PRKD1: variants seen among roughly 807,000 people sequenced by gnomAD.
PRKD1 encodes the protein protein kinase D1.
Under a neutral mutation model 95.9 loss-of-function variants are expected in PRKD1, and 63 were observed. The observed-to-expected ratio is 0.66, with a 90% CI of 0.54 to 0.81. PRKD1 has a LOEUF of 0.81. PRKD1 is among the 30% of genes least tolerant of loss of function. PRKD1 has a pLI of 0.00. For synonymous variants in PRKD1, 425 were observed against 423.1 expected (o/e 1.00, Z -0.05); for missense variants, 1,048 against 1,165.3 (o/e 0.90, Z 1.47).
intron 1 of PRKD1, among the ~76,000 whole-genome samples, chr14:29,732,822 C>G (rs1886506011): frequency 6.7e-6 from 1 of 148,782 alleles, no homozygotes; most frequent in Admixed American, 6.6e-5. Flanking sequence ...ATCTGTTCCC[C>G]TGTATGCAAT....
chr14:29,806,416 C>T (rs1890235832), intron 1 of PRKD1, among the ~76,000 whole-genome samples: 1 of 151,826 alleles, frequency 6.6e-6, no homozygotes, highest in African/African-American at 2.4e-5. Context: ...TCCTAGATTT[C>T]AATGAACCCT....
Position 29,839,315 on chromosome 14 carries a change from T to C in PRKD1, c.264+87934A>G, listed in dbSNP as rs572464195. Among the ~76,000 whole-genome samples the C allele has an allele frequency of 1.4e-4, 21 of 152,304 alleles. No homozygotes were observed. The South Asian group carries it at 3.7e-3, about 27-fold the overall frequency. ...AAATTTTAAACAACTGTGATCATGA[T>C]CCTGAAGCATTTCTTCAAAGAATTG... is the stretch of plus-strand genomic sequence containing the variant. On this transcript the variant is annotated intron_variant, in intron 1 of 17. Transcript: ENST00000331968.
chr14:29,889,859 A>T (rs1021394395), intron 1 of PRKD1, among the ~76,000 whole-genome samples: 2 of 152,260 alleles, frequency 1.3e-5, no homozygotes, highest in African/African-American at 4.8e-5. Context: ...CACGTTGTGC[A>T]TGTGTACCCT....
chr14:29,916,605 A>G (rs10141107), intron 1 of PRKD1, among the ~76,000 whole-genome samples: 1,905 of 152,258 alleles, frequency 0.013, 45 homozygotes, highest in African/African-American at 0.044. Context: ...TAACAGCACT[A>G]ACCAATCTCT....
At chr14:29,770,247 G>C (rs556874698) in intron 1 of PRKD1, among the ~76,000 whole-genome samples, 4 of 152,192 alleles carry the variant, frequency 2.6e-5, no homozygotes, top group African/African-American at 9.6e-5. Context: ...GACAAATACA[G>C]ATATTGGTAC....
chr14:29,577,424 C>T lies in PRKD1; in HGVS notation c.2553G>A (p.Leu851=), dbSNP rs1298834435. 1.9e-6 allele frequency: 3 copies of T among 1,613,636 alleles called. No individual in the cohort carries two copies. Residue 851 remains leucine (L), a synonymous_variant, in exon 18 of 18, where the codon CTG becomes CTA. Coordinates refer to ENST00000331968, the MANE Select transcript of PRKD1 (RefSeq NM_002742.3). The part of the protein sequence containing the change: ...DYQTWLDLRE[L]ECKIGERYIT... ...TGTAGCGCTCCCCGATTTTGCATTCCAGCTCTCGCAAATCTAACCAGGTCT... is the reference window on the plus strand; with the variant it reads ...TGTAGCGCTCCCCGATTTTGCATTCTAGCTCTCGCAAATCTAACCAGGTCT...
At chr14:29,925,302 A>G (rs567582344) in intron 1 of PRKD1, among the ~76,000 whole-genome samples, 1 of 152,166 alleles carries the variant, frequency 6.6e-6, no homozygotes, top group Non-Finnish European at 1.5e-5. Context: ...CTGCCATAAC[A>G]TTTTTGGCAT....
At chr14:29,737,308 G>T (rs566142513) in intron 1 of PRKD1, among the ~76,000 whole-genome samples, 1 of 110,216 alleles carries the variant, frequency 9.1e-6, no homozygotes, top group Admixed American at 1.3e-4. Context: ...CGGCCTGGGC[G>T]ACAGAGCGAG....
chr14:29,724,836 T>C (rs1288279067), intron 2 of PRKD1, among the ~76,000 whole-genome samples: 1 of 152,218 alleles, frequency 6.6e-6, no homozygotes, highest in East Asian at 1.9e-4. Flanking sequence ...TACATTATCA[T>C]TGCATTGAGT....
At chr14:29,857,407 T>C (rs533322448) in intron 1 of PRKD1, among the ~76,000 whole-genome samples, 1 of 152,258 alleles carries the variant, frequency 6.6e-6, no homozygotes, top group Admixed American at 6.5e-5. Context: ...GAGAAAAAGT[T>C]AAAAAGCAAG....
intron 1 of PRKD1, among the ~76,000 whole-genome samples, chr14:29,842,325 A>G (rs974803461): frequency 6.6e-6 from 1 of 152,264 alleles, no homozygotes; most frequent in Non-Finnish European, 1.5e-5. Flanking sequence ...GGTATGTGCT[A>G]TATTTTAAAC....
chr14:29,851,489 C>T (rs575575672), intron 1 of PRKD1, among the ~76,000 whole-genome samples: 6 of 152,210 alleles, frequency 3.9e-5, no homozygotes, highest in African/African-American at 1.4e-4. Context: ...CTCACCATCG[C>T]TAATCATCAG....
At chr14:29,856,105 G>C (rs1356314138) in intron 1 of PRKD1, among the ~76,000 whole-genome samples, 1 of 152,126 alleles carries the variant, frequency 6.6e-6, no homozygotes, top group Non-Finnish European at 1.5e-5. Context: ...ACCATACAAA[G>C]AATATTGCAT....
intron 4 of PRKD1, among the ~76,000 whole-genome samples, chr14:29,642,109 G>C (rs370926772): frequency 6.6e-6 from 1 of 151,718 alleles, no homozygotes; most frequent in African/African-American, 2.4e-5. Flanking sequence ...CTCCATGTTC[G>C]TCAGGCTGGT....
At chr14:29,809,371 T>A (rs1450217995) in intron 1 of PRKD1, among the ~76,000 whole-genome samples, 1 of 152,222 alleles carries the variant, frequency 6.6e-6, no homozygotes, top group Non-Finnish European at 1.5e-5. Flanking sequence ...GCTTGGAGGC[T>A]TTGAAGCCAG....
intron 1 of PRKD1, among the ~76,000 whole-genome samples, chr14:29,848,773 G>A (rs1223825647): frequency 6.6e-6 from 1 of 151,094 alleles, no homozygotes; most frequent in Non-Finnish European, 1.5e-5. Flanking sequence ...AGATCTACCT[G>A]ACAAAAACTT....
chr14:29,591,125 T>A (rs1048158949), intron 16 of PRKD1: 1 of 152,194 alleles, frequency 6.6e-6, no homozygotes, highest in Non-Finnish European at 1.5e-5. Flanking sequence ...GTTAGTTGCA[T>A]CTTTATTATA....
chr14:29,732,534 T>C (rs1200731256), intron 1 of PRKD1, among the ~76,000 whole-genome samples: 1 of 152,170 alleles, frequency 6.6e-6, no homozygotes, highest in Non-Finnish European at 1.5e-5. Context: ...AATAAAAAAG[T>C]ATCTAATTTT....
chr14:29,716,298 T>C (rs1885605937), intron 2 of PRKD1, among the ~76,000 whole-genome samples: 1 of 152,174 alleles, frequency 6.6e-6, no homozygotes, highest in Non-Finnish European at 1.5e-5. Flanking sequence ...AGAGAGAAGC[T>C]TGATATGTCC....
Sources: allele counts gnomAD v4.1 joint callset (sites outside exome capture counted in the v4.1 genomes callset), GRCh38; gene constraint gnomAD v4.1.1; transcripts MANE v1.5; gene names NCBI Gene and HGNC (gene_info 2026-07-23, HGNC 2026-07-21).